The following OSBPL3 variants were observed in gnomAD, a reference collection of about 807,000 sequenced individuals.
OSBPL3 encodes oxysterol-binding protein-related protein 3.
Under a neutral mutation model 120.1 loss-of-function variants are expected in OSBPL3, and 65 were observed. That is an observed-to-expected ratio of 0.54 (90% confidence interval 0.44 to 0.67). OSBPL3 has a LOEUF of 0.67. Among genes scored for constraint, OSBPL3 ranks in the 30% least tolerant of loss-of-function variants. The pLI, the probability that OSBPL3 is intolerant of heterozygous loss-of-function variation, is 0.00. For synonymous variants in OSBPL3, 416 were observed against 402.6 expected, an observed-to-expected ratio of 1.03 and a Z score of -0.40; for missense variants, 1,004 against 1,082.1, an observed-to-expected ratio of 0.93 and a Z score of 1.01.
intron 1 of OSBPL3, among the ~76,000 whole-genome samples, chr7:24,909,742 T>C (rs1450223533): frequency 1.3e-5 from 2 of 151,546 alleles, no homozygotes; most frequent in African/African-American, 4.9e-5. Context: ...TCCTTTTCAT[T>C]ATTTGACAAA....
intron 19 of OSBPL3, 46 bp from the exon 20 acceptor site, chr7:24,809,997 A>G (rs1562757390): frequency 1.1e-5 from 17 of 1,601,178 alleles, no homozygotes; most frequent in Non-Finnish European, 1.4e-5. Context: ...GCATCAGCTT[A>G]TTACAGATAT....
Position 24,796,871 on chromosome 7 carries a change from T to C in OSBPL3, c.*3312A>G, listed in dbSNP as rs995571988. On this transcript the variant is annotated 3_prime_UTR_variant, in exon 23 of 23. Transcript: ENST00000313367. The surrounding 1 kb of genome is among the most constrained non-coding windows in gnomAD (Gnocchi z 5.2). Reference sequence around the variant, plus strand: ...ATGAAGACTAACACTGAGTAACAGATTAGTACAATGCAGAGGAAAATAGAG... The same window carrying C: ...ATGAAGACTAACACTGAGTAACAGACTAGTACAATGCAGAGGAAAATAGAG... The C allele has an allele frequency of 6.6e-6, 1 of 152,198 alleles. No homozygotes were observed. Among genetic ancestry groups the C allele is most frequent in the African/African-American group, 2.4e-5 (1 of 41,448 alleles). 9.4% of individuals were successfully genotyped at this position (152,198 alleles called of 1,614,324 possible).
rs77386142 is a variant in OSBPL3 at position 24,957,222 on chromosome 7, C to CA, written c.-150+22663dup. On this transcript the variant is annotated intron_variant, in intron 1 of 22. Coordinates refer to ENST00000313367, the MANE Select transcript of OSBPL3 (RefSeq NM_015550.4). Reference sequence around the variant, plus strand: ...CTTTGCAGAGACATGGCAGAACAGACAAAAAAAAAAAAACCTCACCATCAA... The same window carrying CA: ...CTTTGCAGAGACATGGCAGAACAGACAAAAAAAAAAAAAACCTCACCATCAA... 9.9e-3 allele frequency among the ~76,000 whole-genome samples: 1,127 copies of CA among 113,796 alleles called. 11 individuals are homozygous for CA. The highest frequency in any genetic ancestry group is 0.026 in the African/African-American group (813 of 30,842). 74.7% of individuals were successfully genotyped at this position (113,796 alleles called of 152,430 possible). A position where few individuals can be genotyped will look rare whatever the true frequency, so the allele number is the denominator to read the frequency against.
intron 13 of OSBPL3, among the ~76,000 whole-genome samples, chr7:24,841,924 A>C (rs1400401394): frequency 2.0e-5 from 3 of 151,712 alleles, no homozygotes; most frequent in Admixed American, 1.3e-4. Flanking sequence ...GAGGCTGGAG[A>C]ATCACTTGAA....
At chr7:24,850,531 T>C (rs1799016875) in intron 11 of OSBPL3, among the ~76,000 whole-genome samples, 1 of 152,212 alleles carries the variant, frequency 6.6e-6, no homozygotes, top group African/African-American at 2.4e-5. Flanking sequence ...CCTAATCCTC[T>C]ACCTGGATCT....
chr7:24,853,256 G>A (rs1368810729), intron 10 of OSBPL3, among the ~76,000 whole-genome samples: 1 of 152,198 alleles, frequency 6.6e-6, no homozygotes, highest in Non-Finnish European at 1.5e-5. Context: ...TTAATCAGGT[G>A]ATCAAAATTA....
At chr7:24,917,679 A>C (rs960875734) in intron 1 of OSBPL3, among the ~76,000 whole-genome samples, 4 of 151,962 alleles carry the variant, frequency 2.6e-5, no homozygotes, top group African/African-American at 9.7e-5. Context: ...ATTACCCTGA[A>C]CCATAACTAT....
rs1334877461 is a variant in OSBPL3 at position 24,916,392 on chromosome 7, GCTTTTTTGGGTAATATTTTA to G, written c.-149-23791_-149-23772del. ...TTAACATTTGTTATCTTCCGCTTGA[GCTTTTTTGGGTAATATTTTA>G]CTTTCTCCTTTGAACTTTTTTTTCT... On this transcript the variant is annotated intron_variant, in intron 1 of 22. Transcript: ENST00000313367. This position sits in a 1 kb window ranked among gnomAD's most constrained non-coding sequence, Gnocchi z 4.9. 2.0e-5 allele frequency among the ~76,000 whole-genome samples: 3 copies of G among 151,896 alleles called. No individual in the cohort carries two copies. Among genetic ancestry groups the G allele is most frequent in the African/African-American group, 7.3e-5 (3 of 41,360 alleles).
Position 24,824,217 on chromosome 7 carries a change from C to T in OSBPL3, c.1885-3979G>A, listed in dbSNP as rs191587390. ...ACACATGTATCTATCTTTCTTTCTA[C>T]AAGCCCCAATACAGTTCCCCTGGCA... is the stretch of plus-strand genomic sequence containing the variant. On this transcript the variant is annotated intron_variant, in intron 16 of 22. Transcript: ENST00000313367. The surrounding 1 kb of genome is among the most constrained non-coding windows in gnomAD (Gnocchi z 4.9). Among the ~76,000 whole-genome samples, 2 of 152,272 alleles carry T rather than the reference C, an allele frequency of 1.3e-5. No individual in the cohort carries two copies. Among genetic ancestry groups the T allele is most frequent in the African/African-American group, 2.4e-5 (1 of 41,544 alleles).
chr7:24,857,529 T>C (rs531851973), intron 10 of OSBPL3, among the ~76,000 whole-genome samples: 2 of 152,004 alleles, frequency 1.3e-5, no homozygotes, highest in South Asian at 4.2e-4. Context: ...ACCAAAAGAG[T>C]CAGGACAACT....
At position 24,849,999 on chromosome 7, in the gene OSBPL3, T is replaced by C. The variant is rs950854496; in HGVS notation, c.1159-823A>G. ...GTGCTGTGTGCTGGGAAGTAGGACT[T>C]TGTGAAAGATTAATTTTACTCTTTT... is the stretch of plus-strand genomic sequence containing the variant. On this transcript the variant is annotated intron_variant, in intron 11 of 22. Transcript: ENST00000313367. This position sits in a 1 kb window ranked among gnomAD's most constrained non-coding sequence, Gnocchi z 5.4. Among the ~76,000 whole-genome samples the C allele has an allele frequency of 2.6e-5, 4 of 152,088 alleles. No homozygotes were observed. The highest frequency in any genetic ancestry group is 5.9e-5 in the Non-Finnish European group (4 of 68,010).
chr7:24,895,051 G>T (rs959454641), intron 1 of OSBPL3, among the ~76,000 whole-genome samples: 17 of 152,180 alleles, frequency 1.1e-4, no homozygotes, highest in Non-Finnish European at 2.5e-4. Context: ...CCACAAGGTG[G>T]AGTTTTGGGA....
chr7:24,922,580 G>A lies in OSBPL3; in HGVS notation c.-149-29959C>T, dbSNP rs763852. On this transcript the variant is annotated intron_variant, in intron 1 of 22. Transcript: ENST00000313367. The surrounding 1 kb of genome is among the most constrained non-coding windows in gnomAD (Gnocchi z 4.3). ...AAACCCCAAGGGAAGTGTGTAAAAT[G>A]CCAGGCTGCTCTCCCTAACCTTTCC... Among the ~76,000 whole-genome samples, 38,241 of 152,006 alleles carry A rather than the reference G, an allele frequency of 0.25. 5,408 individuals are homozygous for A. The highest frequency in any genetic ancestry group is 0.5 in the East Asian group (2,612 of 5,174).
intron 18 of OSBPL3, among the ~76,000 whole-genome samples, chr7:24,816,141 C>T (rs931507084): frequency 1.3e-5 from 2 of 152,204 alleles, no homozygotes; most frequent in Non-Finnish European, 2.9e-5. Context: ...CCTCCCACCT[C>T]AGCCTCCTGA....
chr7:24,979,944 G>T lies in OSBPL3; in HGVS notation c.-208C>A, dbSNP rs531103923. ...TCCCCGGGGCCGGGCTCCGGGGTTA[G>T]CGCACAGAACCGGGAGAAGGCAACC... On this transcript the variant is annotated 5_prime_UTR_variant, in exon 1 of 23. Transcript: ENST00000313367. 3.1e-6 allele frequency: 3 copies of T among 978,138 alleles called. No individual in the cohort carries two copies. In the South Asian group the frequency reaches 1.4e-4, roughly 46 times the overall value. 60.6% of individuals were successfully genotyped at this position (978,138 alleles called of 1,614,324 possible). A position where few individuals can be genotyped will look rare whatever the true frequency, so the allele number is the denominator to read the frequency against.
At chr7:24,926,468 C>A (rs1283142955) in intron 1 of OSBPL3, among the ~76,000 whole-genome samples, 5 of 152,188 alleles carry the variant, frequency 3.3e-5, no homozygotes, top group African/African-American at 1.2e-4. Context: ...TTGAGGACTA[C>A]TGGCTTGCAA....
rs142872538 is a variant in OSBPL3, at chr7:24,798,584, C to T, written c.*1599G>A. The T allele has an allele frequency of 1.4e-4, 21 of 152,330 alleles. No homozygotes were observed. The highest frequency in any genetic ancestry group is 2.6e-4 in the Admixed American group (4 of 15,296). The allele number at this position is 152,330 out of a possible 1,614,324, so 9.4% of individuals were successfully genotyped here. ...ATGAGTTGTTTTAAAATGCCAGTCA[C>T]GTGCAGATTCCAGAAGGCTACACAT... On this transcript the variant is annotated 3_prime_UTR_variant, in exon 23 of 23. Coordinates refer to ENST00000313367, the MANE Select transcript of OSBPL3 (RefSeq NM_015550.4). This position sits in a 1 kb window ranked among gnomAD's most constrained non-coding sequence, Gnocchi z 4.6.
rs776282295 is a variant in OSBPL3 at position 24,852,500 on chromosome 7, T to C, written c.1158+4A>G. 2 of 1,566,432 alleles carry C rather than the reference T, an allele frequency of 1.3e-6. No individual in the cohort carries two copies. Among genetic ancestry groups the C allele is most frequent in the Non-Finnish European group, 1.7e-6 (2 of 1,162,920 alleles). ...GCATTCCTGGAGGCAGACATGTAACTTACGGATGACAGGGCGTTCTTCAGA... is the reference window on the plus strand; with the variant it reads ...GCATTCCTGGAGGCAGACATGTAACCTACGGATGACAGGGCGTTCTTCAGA... On this transcript the variant is annotated splice_donor_region_variant and intron_variant, in intron 11 of 22. Transcript: ENST00000313367. This position sits in a 1 kb window ranked among gnomAD's most constrained non-coding sequence, Gnocchi z 4.1.
chr7:24,809,203 C>T (rs1793453396), intron 20 of OSBPL3, among the ~76,000 whole-genome samples: 1 of 152,160 alleles, frequency 6.6e-6, no homozygotes, highest in Admixed American at 6.5e-5. Flanking sequence ...CAATGGTTTA[C>T]AATATGACTG....
Sources: gnomAD v4.1 joint callset for allele counts (sites outside exome capture counted in the v4.1 genomes callset) on GRCh38, gnomAD v4.1.1 for gene constraint, Gnocchi (gnomAD v3.1) non-coding constraint, MANE v1.5 for transcripts, NCBI Gene and HGNC (gene_info 2026-07-23, HGNC 2026-07-21) for gene names.